Variants in LAMC1 observed in about 807,000 individuals in gnomAD.
LAMC1 encodes laminin subunit gamma-1.
In LAMC1, 38 loss-of-function variants were observed where a neutral mutation model predicts 173.6. The ratio of observed to expected loss-of-function variants is 0.22; its 90% CI spans 0.17 to 0.29. The LOEUF (loss-of-function observed/expected upper bound fraction) is 0.29, where lower values mean the gene tolerates loss of function less well. Among genes scored for constraint, LAMC1 ranks in the 10% least tolerant of loss-of-function variants. The pLI, the probability that LAMC1 is intolerant of heterozygous loss-of-function variation, is 1.00. For missense variants in LAMC1, 1,824 were observed against 2,051.8 expected (o/e 0.89, Z 2.14); for synonymous variants, 746 against 749.1 (o/e 1.00, Z 0.07).
At chr1:183,096,815 G>A (rs1655705067) in intron 1 of LAMC1, among the ~76,000 whole-genome samples, 1 of 152,156 alleles carries the variant, frequency 6.6e-6, no homozygotes, top group Non-Finnish European at 1.5e-5. Flanking sequence ...GAAATTTAGG[G>A]GAAAGGAACA....
At chr1:183,092,163 A>G (rs1161066646) in intron 1 of LAMC1, among the ~76,000 whole-genome samples, 2 of 152,192 alleles carry the variant, frequency 1.3e-5, no homozygotes, top group East Asian at 1.9e-4. Context: ...TTTATTGTCT[A>G]TGCCTACAGA....
chr1:183,137,697 A>G lies in LAMC1; in HGVS notation c.4343A>G (p.Glu1448Gly), dbSNP rs1245399950. The G allele has an allele frequency of 1.9e-6, 3 of 1,599,236 alleles. No homozygotes were observed. Among genetic ancestry groups the G allele is most frequent in the Non-Finnish European group, 2.6e-6 (3 of 1,172,970 alleles). The change falls in exon 26 of 28, where the codon GAA (glutamate) becomes GGA (glycine). Residue 1448 changes from glutamate (E) to glycine (G), a missense_variant. Coordinates refer to ENST00000258341, the MANE Select transcript of LAMC1 (RefSeq NM_002293.4). ...KNATSTKAEAERTFAEVTDLD... is the reference protein window; with the variant it reads ...KNATSTKAEAGRTFAEVTDLD... ...GCCACCAGCACCAAGGCAGAAGCTG[A>G]AAGAACTTTTGCAGAAGTTACAGAT...
chr1:183,125,158 A>C (rs1336854616), intron 14 of LAMC1: 2 of 592,346 alleles, frequency 3.4e-6, no homozygotes, highest in East Asian at 5.7e-5. Flanking sequence ...ATCAATAAAA[A>C]TTGTTAATGA....
At chr1:183,102,063 G>A (rs1323725051) in intron 1 of LAMC1, among the ~76,000 whole-genome samples, 1 of 152,154 alleles carries the variant, frequency 6.6e-6, no homozygotes, top group East Asian at 1.9e-4. Context: ...CAGAGGCAGA[G>A]CCCCACTGTG....
intron 1 of LAMC1, among the ~76,000 whole-genome samples, chr1:183,055,178 C>T (rs1211330796): frequency 1.3e-4 from 19 of 151,288 alleles, no homozygotes; most frequent in South Asian, 1.0e-3. Context: ...TTAGCAGAGA[C>T]GGGGTTTCAC....
At chr1:183,024,209 C>T in intron 1 of LAMC1, 75 bp downstream of exon 1, 1 of 1,423,682 alleles carries the variant, frequency 7.0e-7, no homozygotes, top group African/African-American at 1.4e-5. Context: ...GTCCCAGTGG[C>T]CGGCCTCACG....
At chr1:183,031,614 A>T (rs1301298488) in intron 1 of LAMC1, among the ~76,000 whole-genome samples, 1 of 152,072 alleles carries the variant, frequency 6.6e-6, no homozygotes, top group Non-Finnish European at 1.5e-5. Flanking sequence ...CTGCTTCTTT[A>T]CTTGTTCATT....
At chr1:183,038,806 G>T (rs953278555) in intron 1 of LAMC1, among the ~76,000 whole-genome samples, 1 of 152,122 alleles carries the variant, frequency 6.6e-6, no homozygotes, top group Non-Finnish European at 1.5e-5. Flanking sequence ...GTTAGATCAA[G>T]ATTTGGAGTT....
At chr1:183,137,998 TCTGC>T (rs1280866365) in intron 26 of LAMC1, 171 bp downstream of exon 26, 1 of 615,018 alleles carries the variant, frequency 1.6e-6, no homozygotes, top group Non-Finnish European at 2.5e-6. Context: ...ATTTGGATCT[TCTGC>T]CAGGTAATTT....
intron 14 of LAMC1, 197 bp from the exon 15 acceptor site, chr1:183,125,200 A>G: frequency 1.6e-6 from 1 of 615,080 alleles, no homozygotes; most frequent in Non-Finnish European, 2.8e-6. Context: ...TAAGCCTTCA[A>G]AATCCAGTGT....
At chr1:183,120,190 A>AAAAAAT (rs1656433274) in intron 11 of LAMC1, among the ~76,000 whole-genome samples, 1 of 149,110 alleles carries the variant, frequency 6.7e-6, no homozygotes, top group Non-Finnish European at 1.5e-5. Context: ...AAAAAAAAAA[A>AAAAAAT]GGTGGCGGGG....
At chr1:183,122,593 G>A (rs1656506753) in intron 13 of LAMC1, among the ~76,000 whole-genome samples, 1 of 152,028 alleles carries the variant, frequency 6.6e-6, no homozygotes, top group East Asian at 1.9e-4. Flanking sequence ...CTACCTACTT[G>A]CCATTTCCAC....
intron 13 of LAMC1, among the ~76,000 whole-genome samples, chr1:183,124,028 C>A (rs1656552511): frequency 6.6e-6 from 1 of 152,124 alleles, no homozygotes; most frequent in Admixed American, 6.5e-5. Flanking sequence ...CCCTCTCTAC[C>A]TGTCACTTCT....
At chr1:183,094,957 T>G (rs1417724610) in intron 1 of LAMC1, among the ~76,000 whole-genome samples, 4 of 151,982 alleles carry the variant, frequency 2.6e-5, no homozygotes, top group Admixed American at 2.0e-4. Flanking sequence ...GTGATTCTCC[T>G]GCCTCAGCCT....
At chr1:183,124,900 T>C (rs1656579431) in intron 14 of LAMC1, 24 bp downstream of exon 14, 1 of 1,609,948 alleles carries the variant, frequency 6.2e-7, no homozygotes, top group Admixed American at 1.7e-5. Flanking sequence ...GATCAGATTC[T>C]GTCACAGCTA....
At chr1:183,026,333 A>G (rs1409198193) in intron 1 of LAMC1, among the ~76,000 whole-genome samples, 2 of 152,176 alleles carry the variant, frequency 1.3e-5, no homozygotes, top group African/African-American at 4.8e-5. Context: ...CCTGGAAGAA[A>G]TCATGCATAG....
At chr1:183,133,305 G>C in intron 21 of LAMC1, 101 bp from the exon 22 acceptor site, 2 of 942,344 alleles carry the variant, frequency 2.1e-6, no homozygotes, top group Non-Finnish European at 3.2e-6. Flanking sequence ...CATTTCCTTT[G>C]AGGTTTTGGG....
chr1:183,092,639 G>A (rs896126203), intron 1 of LAMC1, among the ~76,000 whole-genome samples: 7 of 152,174 alleles, frequency 4.6e-5, no homozygotes, highest in Admixed American at 1.3e-4. Flanking sequence ...CTTCTAGAGC[G>A]CCTGGGGGTT....
chr1:183,057,906 T>C (rs900707017), intron 1 of LAMC1, among the ~76,000 whole-genome samples: 2 of 152,186 alleles, frequency 1.3e-5, no homozygotes, highest in African/African-American at 4.8e-5. Flanking sequence ...TAACTAAACA[T>C]ATTATATATT....
Sources: gnomAD v4.1 joint callset for allele counts (sites outside exome capture counted in the v4.1 genomes callset) on GRCh38, gnomAD v4.1.1 for gene constraint, MANE v1.5 for transcripts, NCBI Gene and HGNC (gene_info 2026-07-23, HGNC 2026-07-21) for gene names.